EMC1: variants seen among roughly 807,000 people sequenced by gnomAD.
The protein encoded by EMC1 is KIAA0090.
EMC1 carries 103 observed loss-of-function variants against 128.8 expected under a neutral mutation model. That is an observed-to-expected ratio of 0.80 (90% CI 0.68 to 0.94). The LOEUF is 0.94. EMC1 is among the 40% of genes least tolerant of loss of function. The pLI is 0.00. For synonymous variants in EMC1, 442 were observed against 490.4 expected (o/e 0.90, Z 1.30); for missense variants, 1,083 against 1,250.6 (o/e 0.87, Z 2.02).
intron 19 of EMC1, 122 bp from the exon 20 acceptor site, chr1:19,222,956 C>T: frequency 1.4e-6 from 1 of 697,314 alleles, no homozygotes; most frequent in Non-Finnish European, 2.4e-6. Flanking sequence ...TCAACTAGCA[C>T]CTCACTTTTC....
Position 19,241,041 on chromosome 1 carries a change from A to T in EMC1, c.611T>A (p.Val204Glu). 6.2e-7 allele frequency: 1 copy of T among 1,614,146 alleles called. No individual in the cohort carries two copies. The highest frequency in any genetic ancestry group is 8.5e-7 in the Non-Finnish European group (1 of 1,180,020). Residue 204 changes from valine to glutamate, a missense_variant, in exon 6 of 23, where the codon GTG becomes GAG. Coordinates refer to ENST00000477853, the MANE Select transcript of EMC1 (RefSeq NM_015047.3). ...CTGCTGAACAATCTCTCCATCTTCCACATTAAACTTGACAATGTTCACATG... is the reference window on the plus strand; with the variant it reads ...CTGCTGAACAATCTCTCCATCTTCCTCATTAAACTTGACAATGTTCACATG... ...FSHVNIVKFN[V>E]EDGEIVQQVR...
intron 1 of EMC1, 107 bp from the exon 2 acceptor site, chr1:19,245,137 C>T (rs910901493): frequency 7.7e-7 from 1 of 1,297,062 alleles, no homozygotes; most frequent in African/African-American, 1.5e-5. Flanking sequence ...CATTTTAGGA[C>T]ACATAAGACG....
chr1:19,227,562 T>C lies in EMC1; in HGVS notation c.2065-112A>G, dbSNP rs1209306633. 6.2e-6 allele frequency: 8 copies of C among 1,293,874 alleles called. No homozygotes were observed. In the East Asian group the frequency reaches 9.5e-5, roughly 15 times the overall value. 80.1% of individuals were successfully genotyped at this position (1,293,874 alleles called of 1,614,324 possible). On this transcript the variant is annotated intron_variant, in intron 17 of 22. Transcript: ENST00000477853. Reference sequence around the variant, plus strand: ...TTTGAGGCCTTTGTGCAGGAAGGAATAGAGATCAGAACTAGAAAAATGAGC... The same window carrying C: ...TTTGAGGCCTTTGTGCAGGAAGGAACAGAGATCAGAACTAGAAAAATGAGC...
intron 18 of EMC1, among the ~76,000 whole-genome samples, chr1:19,225,906 A>G (rs984488844): frequency 6.6e-6 from 1 of 152,106 alleles, no homozygotes; most frequent in African/African-American, 2.4e-5. Context: ...GTTATCATTA[A>G]TCTTCAAAAC....
intron 1 of EMC1, among the ~76,000 whole-genome samples, chr1:19,250,710 C>T (rs141949234): frequency 6.6e-6 from 1 of 152,308 alleles, no homozygotes; most frequent in East Asian, 1.9e-4. Flanking sequence ...TTCATTCTCA[C>T]AAGTACTGTA....
At chr1:19,234,674 T>C (rs1193630972) in intron 13 of EMC1, among the ~76,000 whole-genome samples, 1 of 152,024 alleles carries the variant, frequency 6.6e-6, no homozygotes, top group African/African-American at 2.4e-5. Flanking sequence ...GCTGAAACCC[T>C]GTTGCTACTA....
intron 1 of EMC1, among the ~76,000 whole-genome samples, chr1:19,249,681 T>A (rs1002540612): frequency 6.6e-6 from 1 of 152,152 alleles, no homozygotes; most frequent in Non-Finnish European, 1.5e-5. Context: ...TCCCAGCACT[T>A]TGGGAGGCCG....
intron 17 of EMC1, among the ~76,000 whole-genome samples, chr1:19,228,529 C>G (rs1039701845): frequency 1.3e-5 from 2 of 152,206 alleles, no homozygotes; most frequent in African/African-American, 4.8e-5. Context: ...GGCACAAGGG[C>G]CTTCTAGGAG....
chr1:19,239,803 G>A lies in EMC1; in HGVS notation c.954+15C>T, dbSNP rs761382160. ...GATCTCCTGAATCCTAGCAAACCAT[G>A]TTGCCTGCAGTTACCTGTGGGAAGT... On this transcript the variant is annotated intron_variant, in intron 8 of 22. Transcript: ENST00000477853. 2 of 1,612,748 alleles carry A rather than the reference G, an allele frequency of 1.2e-6. No homozygotes were observed. The highest frequency in any genetic ancestry group is 8.5e-7 in the Non-Finnish European group (1 of 1,179,236).
rs764358292 is a variant in EMC1 at position 19,238,809 on chromosome 1, T to G, written c.1075A>C (p.Lys359Gln). The change falls in exon 10 of 23, where the codon AAG becomes CAG. Residue 359 changes from lysine (K) to glutamine (Q), a missense_variant. Physicochemically the swap from Lys to Gln is moderately conservative, Grantham distance 53. This residue lies in a region of EMC1 where 544 missense variants were observed against 572.4 expected (regional missense o/e 0.95). Transcript: ENST00000477853. Reference sequence around the variant, plus strand: ...CCACACCATACCTTTGAACTAGACTTCTCCGAAAAGCTCCCCATTGACCCA... The same window carrying G: ...CCACACCATACCTTTGAACTAGACTGCTCCGAAAAGCTCCCCATTGACCCA... ...EDGSMGSFSE[K>Q]SSSKDSLACF... The G allele has an allele frequency of 6.2e-7, 1 of 1,610,828 alleles. No homozygotes were observed. Among genetic ancestry groups the G allele is most frequent in the Non-Finnish European group, 8.5e-7 (1 of 1,177,104 alleles).
chr1:19,224,627 C>T (rs1266039685), intron 18 of EMC1, among the ~76,000 whole-genome samples: 2 of 152,210 alleles, frequency 1.3e-5, no homozygotes, highest in Non-Finnish European at 2.9e-5. Flanking sequence ...CTGGATGACC[C>T]CACAGCCTAA....
Position 19,223,402 on chromosome 1 carries a change from C to T in EMC1, c.2370G>A (p.Trp790Ter). ...GPVHIVHSENWVVYQYWNTKA... is the reference protein window; with the variant it reads ...GPVHIVHSEN ...CCTGGTAGTGACCGCTTACCACCAC[C>T]CAGTTCTCTGAATGCACGATATGGA... is the stretch of plus-strand genomic sequence containing the variant. Residue 790 changes from tryptophan (W) to a stop codon, truncating the protein, a stop_gained, in exon 19 of 23, where the codon TGG (tryptophan) becomes TGA (stop). Transcript: ENST00000477853. LOFTEE classifies it high-confidence loss of function. The T allele has an allele frequency of 6.2e-7, 1 of 1,613,918 alleles. No individual in the cohort carries two copies. Among genetic ancestry groups the T allele is most frequent in the Non-Finnish European group, 8.5e-7 (1 of 1,179,852 alleles).
chr1:19,219,423 G>A lies in EMC1; in HGVS notation c.2862C>T (p.Asp954=), dbSNP rs766882757. 108 of 1,613,826 alleles carry A rather than the reference G, an allele frequency of 6.7e-5. No homozygotes were observed. The highest frequency in any genetic ancestry group is 1.7e-4 in the Admixed American group (10 of 59,964). The change falls in exon 23 of 23, where the codon GAC becomes GAT. Residue 954 remains aspartate (D), a synonymous_variant. Transcript: ENST00000477853. Reference sequence around the variant, plus strand: ...CGTAGTCATAGTCATCCTTCAGAACGTCAAACTGCTTGGATGGGTAGACTC... The same window carrying A: ...CGTAGTCATAGTCATCCTTCAGAACATCAAACTGCTTGGATGGGTAGACTC... The part of the protein sequence containing the change: ...QTRVYPSKQF[D]VLKDDYDYVL...
intron 13 of EMC1, chr1:19,234,270 T>G (rs2093546447): frequency 2.7e-6 from 2 of 745,608 alleles, no homozygotes; most frequent in Non-Finnish European, 3.3e-6. Flanking sequence ...GCAGAGTGCC[T>G]GGTCCAGAGC....
At chr1:19,241,448 G>A (rs1193527710) in intron 5 of EMC1, among the ~76,000 whole-genome samples, 1 of 152,172 alleles carries the variant, frequency 6.6e-6, no homozygotes, top group Non-Finnish European at 1.5e-5. Flanking sequence ...GGCAGGCCAG[G>A]AGCACTGCAG....
At chr1:19,243,574 C>G (rs771359264) in intron 4 of EMC1, 40 bp downstream of exon 4, 3 of 1,548,796 alleles carry the variant, frequency 1.9e-6, no homozygotes, top group Admixed American at 1.7e-5. Flanking sequence ...TCCGGTGAAG[C>G]CTTTAACTCA....
chr1:19,237,902 A>G, intron 11 of EMC1, 115 bp downstream of exon 11: 1 of 1,347,668 alleles, frequency 7.4e-7, no homozygotes, highest in Non-Finnish European at 1.0e-6. Context: ...AGAGCACTAG[A>G]ACACATGTTT....
Position 19,218,063 on chromosome 1 carries a change from A to G in EMC1, c.*1240T>C, listed in dbSNP as rs1202485271. Reference sequence around the variant, plus strand: ...GAAAATAGCCTCAAAATGATCTTCTAAGACACAAAAGAGGACTTAAACAGT... The same window carrying G: ...GAAAATAGCCTCAAAATGATCTTCTGAGACACAAAAGAGGACTTAAACAGT... On this transcript the variant is annotated 3_prime_UTR_variant, in exon 23 of 23. Coordinates refer to ENST00000477853, the MANE Select transcript of EMC1 (RefSeq NM_015047.3). 1 of 152,248 alleles carries G rather than the reference A, an allele frequency of 6.6e-6. No homozygotes were observed. The highest frequency in any genetic ancestry group is 1.5e-5 in the Non-Finnish European group (1 of 68,040). 9.4% of individuals were successfully genotyped at this position (152,248 alleles called of 1,614,324 possible).
intron 7 of EMC1, 88 bp from the exon 8 acceptor site, chr1:19,240,073 G>A (rs1304769881): frequency 4.6e-5 from 64 of 1,390,458 alleles, no homozygotes; most frequent in South Asian, 8.3e-5. Flanking sequence ...CTACTTTGCC[G>A]GGGGAAGTAA....
Sources: gnomAD v4.1 joint callset for allele counts (sites outside exome capture counted in the v4.1 genomes callset) on GRCh38, gnomAD v4.1.1 for gene constraint, gnomAD v4.1.1 regional missense constraint, MANE v1.5 for transcripts, NCBI Gene and HGNC (gene_info 2026-07-23, HGNC 2026-07-21) for gene names.